KALRN: variants seen among roughly 807,000 people sequenced by gnomAD.
The protein encoded by KALRN is kalirin RhoGEF kinase, also known as kalirin.
Under a neutral mutation model 353.7 loss-of-function variants are expected in KALRN, and 70 were observed. The ratio of observed to expected loss-of-function variants is 0.20; its 90% CI spans 0.16 to 0.24. The LOEUF (loss-of-function observed/expected upper bound fraction) is 0.24. Ranked by LOEUF, KALRN falls within the 10% of genes least tolerant of loss-of-function variation. The pLI is 1.00. For synonymous variants in KALRN, 1,391 were observed against 1,434.8 expected, an observed-to-expected ratio of 0.97 and a Z score of 0.69; for missense variants, 2,791 against 3,756.7, an observed-to-expected ratio of 0.74 and a Z score of 6.72.
intron 34 of KALRN, among the ~76,000 whole-genome samples, chr3:124,603,785 A>G (rs138826426): frequency 1.2e-3 from 181 of 152,280 alleles, no homozygotes; most frequent in African/African-American, 4.2e-3. Context: ...AGGTTGCCTC[A>G]TTTTGACTTT....
chr3:124,607,084 G>A (rs950568101), intron 34 of KALRN, among the ~76,000 whole-genome samples: 1 of 152,226 alleles, frequency 6.6e-6, no homozygotes, highest in Non-Finnish European at 1.5e-5. Flanking sequence ...GTACCCTAAA[G>A]AAGGTCTCCA....
At chr3:124,694,009 G>A (rs981106997) in intron 52 of KALRN, among the ~76,000 whole-genome samples, 178 bp downstream of exon 52, 9 of 152,150 alleles carry the variant, frequency 5.9e-5, no homozygotes, top group African/African-American at 2.2e-4. Context: ...TATGTATAAT[G>A]GGATCCAAGT....
chr3:124,429,419 T>C (rs2093172613), intron 15 of KALRN, among the ~76,000 whole-genome samples: 1 of 152,166 alleles, frequency 6.6e-6, no homozygotes, highest in Non-Finnish European at 1.5e-5. Context: ...TGAAAGCAAA[T>C]CTGAAACAGA....
chr3:124,100,164 A>G (rs1367505541), intron 1 of KALRN, among the ~76,000 whole-genome samples: 1 of 151,294 alleles, frequency 6.6e-6, no homozygotes, highest in Non-Finnish European at 1.5e-5. Context: ...ACTCAGTCTC[A>G]AAAAAAAAGA....
At chr3:124,347,035 A>C in intron 9 of KALRN, 108 bp from the exon 10 acceptor site, 1 of 1,522,012 alleles carries the variant, frequency 6.6e-7, no homozygotes, top group African/African-American at 1.4e-5. Flanking sequence ...GCTGCTTTAC[A>C]ACTGGGATGG....
intron 33 of KALRN, among the ~76,000 whole-genome samples, chr3:124,496,695 TTC>T (rs1243736385): frequency 6.6e-6 from 1 of 152,170 alleles, no homozygotes; most frequent in Admixed American, 6.5e-5. Flanking sequence ...TCTAGGTTTC[TTC>T]TCTTTCTGAG....
chr3:124,135,880 G>A (rs74873089), intron 1 of KALRN, among the ~76,000 whole-genome samples: 4,688 of 152,148 alleles, frequency 0.031, 228 homozygotes, highest in African/African-American at 0.11. Context: ...TATATACTGG[G>A]CATTTCCTTA....
intron 12 of KALRN, 32 bp downstream of exon 12, chr3:124,395,375 T>C: frequency 6.4e-7 from 1 of 1,563,776 alleles, no homozygotes; most frequent in Non-Finnish European, 8.7e-7. Context: ...CAGTGGGAAA[T>C]GCCTCGGGCT....
chr3:124,283,486 C>T (rs148445387), intron 5 of KALRN, among the ~76,000 whole-genome samples: 3 of 152,146 alleles, frequency 2.0e-5, no homozygotes, highest in Non-Finnish European at 4.4e-5. Context: ...GAGTCAATAT[C>T]CCGGGGCTGT....
Position 124,181,404 on chromosome 3 carries a change from A to G in KALRN, c.74-46586A>G, listed in dbSNP as rs371367402. ...AACCACACCAAGCAAGAGTCCTATT[A>G]CATTTTTTTCTGGAAAGCTGCTCAT... On this transcript the variant is annotated intron_variant, in intron 1 of 59. Coordinates refer to ENST00000682506, the MANE Select transcript of KALRN (RefSeq NM_001388419.1). Among the ~76,000 whole-genome samples the G allele has an allele frequency of 7.2e-5, 11 of 152,214 alleles. 1 individual carries two copies. In the South Asian group the frequency reaches 2.3e-3, roughly 32 times the overall value.
chr3:124,265,060 G>A (rs1057108626), intron 4 of KALRN, among the ~76,000 whole-genome samples: 2 of 152,110 alleles, frequency 1.3e-5, no homozygotes, highest in African/African-American at 4.8e-5. Flanking sequence ...TTGGGTACAT[G>A]TGACATTTTG....
intron 3 of KALRN, among the ~76,000 whole-genome samples, chr3:124,241,937 T>C (rs1298804528): frequency 6.6e-6 from 1 of 152,076 alleles, no homozygotes; most frequent in Non-Finnish European, 1.5e-5. Flanking sequence ...GCAAAGGAGA[T>C]GAAGGGGTGT....
chr3:124,216,500 G>C (rs999878259), intron 1 of KALRN, among the ~76,000 whole-genome samples: 3 of 152,222 alleles, frequency 2.0e-5, no homozygotes, highest in Non-Finnish European at 4.4e-5. Flanking sequence ...TTTGTGTACA[G>C]TTTCATGAGG....
intron 1 of KALRN, among the ~76,000 whole-genome samples, chr3:124,167,492 G>A (rs1388900783): frequency 6.6e-6 from 1 of 152,224 alleles, no homozygotes; most frequent in Non-Finnish European, 1.5e-5. Flanking sequence ...AAGGGGTTGA[G>A]CTAGATGGTT....
At chr3:124,579,624 G>A (rs2074435324) in intron 34 of KALRN, among the ~76,000 whole-genome samples, 1 of 152,116 alleles carries the variant, frequency 6.6e-6, no homozygotes, top group Non-Finnish European at 1.5e-5. Flanking sequence ...AGCCTCTCTA[G>A]CTATTCAAAT....
chr3:124,539,921 T>TG (rs1239673391), intron 33 of KALRN, among the ~76,000 whole-genome samples: 5 of 95,546 alleles, frequency 5.2e-5, no homozygotes, highest in South Asian at 3.5e-4. Context: ...CTAATTTTTT[T>TG]TGGGGGGGGG....
intron 28 of KALRN, among the ~76,000 whole-genome samples, chr3:124,486,707 C>T (rs1045246334): frequency 3.3e-5 from 5 of 152,220 alleles, no homozygotes; most frequent in African/African-American, 9.7e-5. Context: ...ACCACCAGTG[C>T]AGCTCCAAGC....
chr3:124,141,763 G>A (rs1429347759), intron 1 of KALRN, among the ~76,000 whole-genome samples: 5 of 152,158 alleles, frequency 3.3e-5, no homozygotes, highest in African/African-American at 9.7e-5. Flanking sequence ...CCAGGAATCT[G>A]CCCTTGTTAA....
chr3:124,456,796 C>A, intron 23 of KALRN, 68 bp downstream of exon 23: 1 of 1,040,576 alleles, frequency 9.6e-7, no homozygotes, highest in South Asian at 1.4e-5. Context: ...CGCTACTTGT[C>A]CCTTTGGATA....
Sources: allele counts gnomAD v4.1 joint callset (sites outside exome capture counted in the v4.1 genomes callset), GRCh38; gene constraint gnomAD v4.1.1; transcripts MANE v1.5; gene names NCBI Gene and HGNC (gene_info 2026-07-23, HGNC 2026-07-21).